PFKFB3: variants seen among roughly 807,000 people sequenced by gnomAD.
The protein encoded by PFKFB3 is 6-phosphofructo-2-kinase/fructose-2,6-biphosphatase 3.
PFKFB3 carries 33 observed loss-of-function variants against 68.0 expected under a neutral mutation model. The observed-to-expected ratio is 0.49, with a 90% confidence interval of 0.37 to 0.65. The LOEUF is 0.65. Ranked by LOEUF, PFKFB3 falls within the 30% of genes least tolerant of loss-of-function variation. PFKFB3 has a pLI of 0.00. For synonymous variants in PFKFB3, 315 were observed against 288.2 expected (o/e 1.09, Z -0.94); for missense variants, 586 against 712.2 (o/e 0.82, Z 2.02).
chr10:6,226,612 C>T (rs1366943405), intron 14 of PFKFB3, among the ~76,000 whole-genome samples: 1 of 152,234 alleles, frequency 6.6e-6, no homozygotes, highest in Non-Finnish European at 1.5e-5. Context: ...CTGGTGACAA[C>T]CGTGACTGCG....
At chr10:6,293,296 A>G in the PFKFB3 span, 2 of 376,500 alleles carry the variant, frequency 5.3e-6, no homozygotes, top group Non-Finnish European at 1.0e-5. Flanking sequence ...GTTCTGTGAG[A>G]AGACCATTTC....
intron 1 of PFKFB3, among the ~76,000 whole-genome samples, chr10:6,161,766 G>A (rs1406369555): frequency 6.6e-6 from 1 of 152,084 alleles, no homozygotes; most frequent in Non-Finnish European, 1.5e-5. Flanking sequence ...CCGAGTGGGT[G>A]GGATTACAGG....
chr10:6,247,021 C>T (rs538439848), intron 14 of PFKFB3, among the ~76,000 whole-genome samples: 2 of 152,330 alleles, frequency 1.3e-5, no homozygotes, highest in East Asian at 1.9e-4. Flanking sequence ...AAGTCCCAAA[C>T]GAAGTCAGAT....
intron 1 of PFKFB3, among the ~76,000 whole-genome samples, chr10:6,180,435 A>G (rs1022964038): frequency 2.0e-5 from 3 of 152,130 alleles, no homozygotes; most frequent in Admixed American, 6.5e-5. Context: ...ATTTTCTTCA[A>G]GTTTTTTCTT....
chr10:6,182,601 A>G (rs1272955830), intron 1 of PFKFB3, among the ~76,000 whole-genome samples: 1 of 152,156 alleles, frequency 6.6e-6, no homozygotes, highest in African/African-American at 2.4e-5. Context: ...GTAGGTCCCG[A>G]GCGGGAGTGC....
upstream of PFKFB3, among the ~76,000 whole-genome samples, chr10:6,200,430 T>C (rs960580566): frequency 5.9e-5 from 9 of 152,014 alleles, no homozygotes; most frequent in African/African-American, 9.7e-5. Flanking sequence ...TAGGAGGATG[T>C]CCAAACTAGT....
chr10:6,326,358 C>T, the PFKFB3 span, among the ~76,000 whole-genome samples: 28 of 152,172 alleles, frequency 1.8e-4, no homozygotes, highest in African/African-American at 5.8e-4. Flanking sequence ...ACCTACGTGA[C>T]GGGTTGATAG....
chr10:6,253,649 GA>G (rs987919171), intron 14 of PFKFB3, among the ~76,000 whole-genome samples: 21 of 148,410 alleles, frequency 1.4e-4, no homozygotes, highest in South Asian at 4.2e-4. Flanking sequence ...AGAGGAGAAA[GA>G]AAAAAAAAAG....
chr10:6,302,394 T>G, the PFKFB3 span, among the ~76,000 whole-genome samples: 3 of 102,538 alleles, frequency 2.9e-5, 1 homozygote. Flanking sequence ...TTTTTTTTTT[T>G]TTTTTGAGAC....
At chr10:6,292,213 C>G in the PFKFB3 span, among the ~76,000 whole-genome samples, 22 of 149,986 alleles carry the variant, frequency 1.5e-4, no homozygotes, top group Non-Finnish European at 3.1e-4. Context: ...CTCAGCATCC[C>G]AAAGTGCTGG....
chr10:6,232,029 G>A (rs1364946547), intron 14 of PFKFB3, among the ~76,000 whole-genome samples: 2 of 152,246 alleles, frequency 1.3e-5, no homozygotes, highest in South Asian at 2.1e-4. Flanking sequence ...TTCTGTGTGG[G>A]GTGGGCATGG....
the PFKFB3 span, among the ~76,000 whole-genome samples, chr10:6,311,122 C>T: frequency 5.9e-5 from 9 of 152,212 alleles, no homozygotes; most frequent in Admixed American, 1.3e-4. Flanking sequence ...AGAACTGAAG[C>T]GCACGCTTTG....
chr10:6,222,492 G>A (rs929928029), intron 10 of PFKFB3, among the ~76,000 whole-genome samples: 1 of 152,192 alleles, frequency 6.6e-6, no homozygotes, highest in Non-Finnish European at 1.5e-5. Context: ...AGACCTGTTA[G>A]GAGCCGCTCC....
intron 1 of PFKFB3, among the ~76,000 whole-genome samples, chr10:6,155,205 CTTT>C (rs55673645): frequency 1.5e-5 from 2 of 132,380 alleles, no homozygotes; most frequent in Non-Finnish European, 1.6e-5. Flanking sequence ...GAGTTTTTTT[CTTT>C]TTTTTTTTTT....
chr10:6,228,050 G>A lies in PFKFB3; in HGVS notation c.1515+1685G>A, dbSNP rs532437172. On this transcript the variant is annotated intron_variant, in intron 14 of 14. Coordinates refer to ENST00000379775, the MANE Select transcript of PFKFB3 (RefSeq NM_004566.4). The surrounding 1 kb of genome is among the most constrained non-coding windows in gnomAD (Gnocchi z 4.5). ...TGTCCGCTTCAGAGCTGCCCCTGGC[G>A]TTGGGAGGACAGTCCTTCAGGGTGG... 3.9e-5 allele frequency: 31 copies of A among 794,186 alleles called. No homozygotes were observed. Among genetic ancestry groups the A allele is most frequent in the East Asian group, 1.0e-4 (4 of 38,412 alleles). The allele number at this position is 794,186 out of a possible 1,614,324, so 49.2% of individuals were successfully genotyped here.
At chr10:6,253,611 C>T (rs1038167660) in intron 14 of PFKFB3, among the ~76,000 whole-genome samples, 4 of 151,924 alleles carry the variant, frequency 2.6e-5, no homozygotes, top group Non-Finnish European at 5.9e-5. Flanking sequence ...TTGATTTCAA[C>T]ATTCTCCTGC....
the PFKFB3 span, among the ~76,000 whole-genome samples, chr10:6,264,893 C>A: frequency 6.6e-6 from 1 of 152,066 alleles, no homozygotes. Flanking sequence ...TTACCAAATT[C>A]AGAAAATTTG....
chr10:6,290,601 T>C, the PFKFB3 span, among the ~76,000 whole-genome samples: 1 of 150,534 alleles, frequency 6.6e-6, no homozygotes, highest in Non-Finnish European at 1.5e-5. Flanking sequence ...TGGGTACAAA[T>C]GATTCTTGTG....
At chr10:6,204,985 G>A (rs1349008234) in intron 1 of PFKFB3, among the ~76,000 whole-genome samples, 1 of 152,216 alleles carries the variant, frequency 6.6e-6, no homozygotes, top group Non-Finnish European at 1.5e-5. Context: ...GCACCAAGGC[G>A]TCCTCCCTCC....
Sources: allele counts gnomAD v4.1 joint callset (sites outside exome capture counted in the v4.1 genomes callset), GRCh38; gene constraint gnomAD v4.1.1; non-coding constraint Gnocchi (gnomAD v3.1); transcripts MANE v1.5; gene names NCBI Gene and HGNC (gene_info 2026-07-23, HGNC 2026-07-21).